UNKL: variants seen among roughly 807,000 people sequenced by gnomAD.
UNKL encodes unk like zinc finger.
A neutral mutation model predicts 78.0 loss-of-function variants in UNKL; 60 were observed. That is an observed-to-expected ratio of 0.77 (90% CI 0.63 to 0.95). UNKL has a LOEUF of 0.95. Among genes scored for constraint, UNKL ranks in the 40% least tolerant of loss-of-function variants. The probability of loss-of-function intolerance (pLI) is 0.00; values close to 1 mark genes in which losing one functional copy is unlikely to be tolerated. For synonymous variants in UNKL, 608 were observed against 474.8 expected, an observed-to-expected ratio of 1.28 and a Z score of -3.65; for missense variants, 1,159 against 1,045.7, an observed-to-expected ratio of 1.11 and a Z score of -1.49.
At chr16:1,375,268 C>G (rs1297629381) in intron 10 of UNKL, among the ~76,000 whole-genome samples, 1 of 152,258 alleles carries the variant, frequency 6.6e-6, no homozygotes, top group Non-Finnish European at 1.5e-5. Flanking sequence ...GCTCAGCAGC[C>G]ACACTGTGTG....
At chr16:1,404,510 G>A (rs919818942) in intron 2 of UNKL, among the ~76,000 whole-genome samples, 2 of 152,226 alleles carry the variant, frequency 1.3e-5, no homozygotes, top group African/African-American at 2.4e-5. Flanking sequence ...GTCGACAGAG[G>A]CAGAAGAAGG....
At chr16:1,378,407 CT>C (rs1409023863) in intron 10 of UNKL, among the ~76,000 whole-genome samples, 13 of 152,216 alleles carry the variant, frequency 8.5e-5, no homozygotes, top group Admixed American at 8.5e-4. Flanking sequence ...CTCACCGCCC[CT>C]CACACCTGGC....
chr16:1,398,694 CCT>C (rs1385686530), intron 5 of UNKL: 13 of 1,227,496 alleles, frequency 1.1e-5, no homozygotes, highest in Admixed American at 3.9e-5. Context: ...CCCCCACCCC[CCT>C]CTCAGGTGCA....
At chr16:1,398,679 G>GCCGGCCCCCCCCC in intron 5 of UNKL, 1 of 1,356,340 alleles carries the variant, frequency 7.4e-7, no homozygotes. Context: ...TGTGGGGTCT[G>GCCGGCCCCCCCCC]CACCCCCCCA....
Position 1,370,085 on chromosome 16 carries a change from C to T in UNKL, c.1585+45G>A, listed in dbSNP as rs62011307. 8.3e-3 allele frequency: 12,764 copies of T among 1,545,756 alleles called. 72 individuals carry two copies. Among genetic ancestry groups the T allele is most frequent in the Non-Finnish European group, 0.01 (11,650 of 1,143,760 alleles). On this transcript the variant is annotated intron_variant, in intron 12 of 14. Transcript: ENST00000389221. ...GGACGGCATCTGGGAGGGAGCCCCA[C>T]GGAGGCTTCACGGCAACGCCAGCAT...
intron 10 of UNKL, among the ~76,000 whole-genome samples, chr16:1,380,672 G>GTTTTT (rs1567215031): frequency 2.7e-4 from 9 of 32,942 alleles, no homozygotes; most frequent in Admixed American, 8.1e-4. Context: ...GCTGGTTCAG[G>GTTTTT]ATTTTTTTTT....
rs375878785 is a variant in UNKL at position 1,392,578 on chromosome 16, G to A, written c.1023+313C>T. ...GCCTCCTGAGTAGCTGGGATTACAG[G>A]CACCCACCACCACACCTGGTTAATT... On this transcript the variant is annotated intron_variant, in intron 8 of 14. Coordinates refer to ENST00000389221, the MANE Select transcript of UNKL (RefSeq NM_001372107.1). Among the ~76,000 whole-genome samples the A allele has an allele frequency of 7.9e-5, 12 of 152,234 alleles. No homozygotes were observed. In the South Asian group the frequency reaches 1.2e-3, roughly 16 times the overall value.
chr16:1,399,220 C>T lies in UNKL; in HGVS notation c.734+154G>A. 2 of 1,314,442 alleles carry T rather than the reference C, an allele frequency of 1.5e-6. No individual in the cohort carries two copies. Among genetic ancestry groups the T allele is most frequent in the Non-Finnish European group, 2.0e-6 (2 of 992,654 alleles). The allele number at this position is 1,314,442 out of a possible 1,614,324, so 81.4% of individuals were successfully genotyped here. On this transcript the variant is annotated intron_variant, in intron 5 of 14. Transcript: ENST00000389221. This position sits in a 1 kb window ranked among gnomAD's most constrained non-coding sequence, Gnocchi z 5.8. ...GCGTGGGCCTCCATGGCACCTCCCA[C>T]AGCCACTGTGCTTGGAGATGCCCTC... is the stretch of plus-strand genomic sequence containing the variant.
At position 1,367,093 on chromosome 16, in the gene UNKL, C is replaced by T. The variant is rs1374331556; in HGVS notation, c.2045G>A (p.Gly682Asp). ...QLRLDLEAVDGVIFQLRAKQC... is the reference protein window; with the variant it reads ...QLRLDLEAVDDVIFQLRAKQC... Reference sequence around the variant, plus strand: ...CACCCTGCCCAGAGCAGGACTCACGCCGTCCACCGCCTCCAGGTCCAGGCG... The same window carrying T: ...CACCCTGCCCAGAGCAGGACTCACGTCGTCCACCGCCTCCAGGTCCAGGCG... Residue 682 changes from glycine (G) to aspartate (D), a missense_variant and splice_region_variant, in exon 14 of 15, where the codon GGC (glycine) becomes GAC (aspartate). Gly to Asp is a moderately conservative substitution (Grantham distance 94). Coordinates refer to ENST00000389221, the MANE Select transcript of UNKL (RefSeq NM_001372107.1). 6 of 1,554,966 alleles carry T rather than the reference C, an allele frequency of 3.9e-6. No individual in the cohort carries two copies. The highest frequency in any genetic ancestry group is 5.2e-6 in the Non-Finnish European group (6 of 1,154,720).
In UNKL at chr16:1,387,257, T is replaced by G. The variant is rs1185718101; in HGVS notation, c.1087-1872A>C. On this transcript the variant is annotated intron_variant, in intron 9 of 14. Transcript: ENST00000389221. This position sits in a 1 kb window ranked among gnomAD's most constrained non-coding sequence, Gnocchi z 4.1. ...TCCCAGCCATGCATGGTGCTGCCAA[T>G]ACCCCCTATCAATCCCCCATGGTGA... is the stretch of plus-strand genomic sequence containing the variant. Among the ~76,000 whole-genome samples, 2 of 152,116 alleles carry G rather than the reference T, an allele frequency of 1.3e-5. No homozygotes were observed. The highest frequency in any genetic ancestry group is 2.9e-5 in the Non-Finnish European group (2 of 67,996).
chr16:1,370,862 T>C (rs2035759627), intron 11 of UNKL, among the ~76,000 whole-genome samples: 1 of 152,218 alleles, frequency 6.6e-6, no homozygotes, highest in Non-Finnish European at 1.5e-5. Flanking sequence ...GGCGGGCAGA[T>C]CACGGGGTCA....
At position 1,366,263 on chromosome 16, in the gene UNKL, TG is replaced by T; in HGVS notation, c.2178del (p.Cys726Ter). 6.3e-7 allele frequency: 1 copy of T among 1,585,358 alleles called. No homozygotes were observed. Among genetic ancestry groups the T allele is most frequent in the African/African-American group, 1.3e-5 (1 of 74,534 alleles). ...CAATAPECPY[C>X]KGQPLQW is the part of the protein sequence containing the mutation. ...GGTCACCACTGCAGGGGCTGGCCCT[TG>T]CAGTAGGGGCACTCAGGTGCGGTGG... is the stretch of plus-strand genomic sequence containing the variant. On this transcript the variant is annotated frameshift_variant, in exon 15 of 15. Coordinates refer to ENST00000389221, the MANE Select transcript of UNKL (RefSeq NM_001372107.1). LOFTEE classifies it high-confidence loss of function.
Position 1,392,995 on chromosome 16 carries a change from A to G in UNKL, c.938-19T>C. 6.5e-7 allele frequency: 1 copy of G among 1,550,100 alleles called. No individual in the cohort carries two copies. The highest frequency in any genetic ancestry group is 8.7e-7 in the Non-Finnish European group (1 of 1,146,680). ...AGGCTCTCTGCAAGGACAGGGGAGC[A>G]GCAGACTCTGAGGGCCGCTGGTGGG... On this transcript the variant is annotated intron_variant, in intron 7 of 14. Transcript: ENST00000389221.
At chr16:1,369,059 T>G (rs1055211810) in intron 12 of UNKL, among the ~76,000 whole-genome samples, 11 of 112,986 alleles carry the variant, frequency 9.7e-5, no homozygotes, top group African/African-American at 3.0e-4. Flanking sequence ...GTATTAGTTT[T>G]TTTTTTTTTT....
chr16:1,406,735 C>A (rs1596767769), intron 2 of UNKL, among the ~76,000 whole-genome samples: 3 of 152,190 alleles, frequency 2.0e-5, no homozygotes, highest in South Asian at 4.1e-4. Flanking sequence ...TCAGTTTAAA[C>A]AGCAAATTCT....
At chr16:1,390,891 G>A (rs924447032) in intron 8 of UNKL, among the ~76,000 whole-genome samples, 197 bp from the exon 9 acceptor site, 5 of 152,072 alleles carry the variant, frequency 3.3e-5, no homozygotes, top group East Asian at 1.9e-4. Context: ...ATAGCCAGGC[G>A]TGGTGGCACA....
At chr16:1,374,519 G>A (rs778059787) in intron 10 of UNKL, among the ~76,000 whole-genome samples, 182 of 152,146 alleles carry the variant, frequency 1.2e-3, no homozygotes, top group Non-Finnish European at 2.2e-3. Context: ...GACCGTGGGG[G>A]TCGGCGCGCC....
chr16:1,366,252 G>C lies in UNKL; in HGVS notation c.2190C>G (p.Pro730=). The change falls in exon 15 of 15, where the codon CCC becomes CCG. Residue 730 remains proline (P), a synonymous_variant. Transcript: ENST00000389221. ...APECPYCKGQ[P]LQW is the part of the protein sequence containing the mutation. The stretch of plus-strand genomic sequence containing the variant: ...GTCCCCGCTGAGGTCACCACTGCAG[G>C]GGCTGGCCCTTGCAGTAGGGGCACT... 1 of 1,577,246 alleles carries C rather than the reference G, an allele frequency of 6.3e-7. No individual in the cohort carries two copies. The highest frequency in any genetic ancestry group is 1.3e-5 in the African/African-American group (1 of 74,370).
At chr16:1,414,179 G>C in intron 1 of UNKL, 124 bp from the exon 2 acceptor site, 2 of 979,738 alleles carry the variant, frequency 2.0e-6, no homozygotes, top group Non-Finnish European at 2.9e-6. Flanking sequence ...TCACATTCCC[G>C]GCGGGCCCCA....
Sources: gnomAD v4.1 joint callset for allele counts (sites outside exome capture counted in the v4.1 genomes callset) on GRCh38, gnomAD v4.1.1 for gene constraint, Gnocchi (gnomAD v3.1) non-coding constraint, MANE v1.5 for transcripts, NCBI Gene and HGNC (gene_info 2026-07-23, HGNC 2026-07-21) for gene names.